PCDHGB4: variants seen among roughly 807,000 people sequenced by gnomAD.
PCDHGB4 encodes the protein protocadherin gamma subfamily B, 4, also known as protocadherin gamma-B4.
In PCDHGB4, 38 loss-of-function variants were observed where a neutral mutation model predicts 60.5. That is an observed-to-expected ratio of 0.63 (90% CI 0.48 to 0.82). The LOEUF is 0.82. Ranked by LOEUF, PCDHGB4 falls within the 40% of genes least tolerant of loss-of-function variation. The pLI is 0.00. For missense variants in PCDHGB4, 1,109 were observed against 1,209.6 expected (o/e 0.92, Z 1.23); for synonymous variants, 456 against 509.7 (o/e 0.89, Z 1.42).
chr5:141,430,910 G>A lies in PCDHGB4; in HGVS notation c.2397+40629G>A. The A allele has an allele frequency of 6.2e-7, 1 of 1,608,040 alleles. No homozygotes were observed. The highest frequency in any genetic ancestry group is 8.5e-7 in the Non-Finnish European group (1 of 1,177,584). On this transcript the variant is annotated intron_variant, in intron 1 of 3. Coordinates refer to ENST00000519479, the MANE Select transcript of PCDHGB4 (RefSeq NM_003736.4). ...CTCTAGGGTGGGCGACATCTCCAGG[G>A]ACCTGGGGCTGGAGCCCCGGGAGCT...
At chr5:141,427,499 T>C in intron 1 of PCDHGB4, 2 of 571,516 alleles carry the variant, frequency 3.5e-6, no homozygotes, top group Non-Finnish European at 3.3e-6. Flanking sequence ...TTGTAACAGA[T>C]GGGACCCTGG....
chr5:141,491,368 A>G lies in PCDHGB4; in HGVS notation c.2398-3439A>G. ...CAGTCTCTTATCCCTAGTCACCTTC[A>G]CCTTTCTGTCAGCGAAGTGCCTTCA... On this transcript the variant is annotated intron_variant, in intron 1 of 3. Transcript: ENST00000519479. This position sits in a 1 kb window ranked among gnomAD's most constrained non-coding sequence, Gnocchi z 6.9. 6.2e-7 allele frequency: 1 copy of G among 1,613,842 alleles called. No homozygotes were observed. The highest frequency in any genetic ancestry group is 8.5e-7 in the Non-Finnish European group (1 of 1,179,940).
intron 1 of PCDHGB4, chr5:141,402,959 G>C: frequency 1.2e-5 from 19 of 1,604,470 alleles, no homozygotes; most frequent in Non-Finnish European, 1.5e-5. Context: ...AGCAATGGCA[G>C]CTCCAACCAA....
In PCDHGB4 at chr5:141,423,466, G is replaced by T. The variant is rs770939556; in HGVS notation, c.2397+33185G>T. On this transcript the variant is annotated intron_variant, in intron 1 of 3. Coordinates refer to ENST00000519479, the MANE Select transcript of PCDHGB4 (RefSeq NM_003736.4). Reference sequence around the variant, plus strand: ...GTCACATTTTGTAGGCGTGGACGGGGTACAGGCTTTCCTGCAAACCTATTC... The same window carrying T: ...GTCACATTTTGTAGGCGTGGACGGGTTACAGGCTTTCCTGCAAACCTATTC... 6 of 1,614,022 alleles carry T rather than the reference G, an allele frequency of 3.7e-6. No homozygotes were observed. In the Admixed American group the frequency reaches 5.0e-5, roughly 13 times the overall value.
intron 1 of PCDHGB4, chr5:141,414,478 C>T (rs977591382): frequency 5.6e-6 from 9 of 1,613,884 alleles, no homozygotes; most frequent in Non-Finnish European, 3.4e-6. Flanking sequence ...GGGAAGTCCT[C>T]CTCTATCAAC....
Position 141,417,943 on chromosome 5 carries a change from G to C in PCDHGB4, c.2397+27662G>C, listed in dbSNP as rs772925118. ...TGCTGCTGCCTTTGTTCTACCCCAC[G>C]CTGTGTGAGCCGATCCGCTACTCGA... is the stretch of plus-strand genomic sequence containing the variant. On this transcript the variant is annotated intron_variant, in intron 1 of 3. Coordinates refer to ENST00000519479, the MANE Select transcript of PCDHGB4 (RefSeq NM_003736.4). The C allele has an allele frequency of 4.1e-5, 66 of 1,613,160 alleles. 1 individual carries two copies. The highest frequency in any genetic ancestry group is 1.8e-4 in the East Asian group (8 of 44,850).
chr5:141,487,512 C>T lies in PCDHGB4; in HGVS notation c.2398-7295C>T, dbSNP rs372606253. The stretch of plus-strand genomic sequence containing the variant: ...TGTACACCCTTGGCTTCTGCACCCA[C>T]TCGGAGTGATAGCTTCATGATGGTG... On this transcript the variant is annotated intron_variant, in intron 1 of 3. Transcript: ENST00000519479. This position sits in a 1 kb window ranked among gnomAD's most constrained non-coding sequence, Gnocchi z 5.0. 3.7e-6 allele frequency: 6 copies of T among 1,614,082 alleles called. No homozygotes were observed. The highest frequency in any genetic ancestry group is 5.1e-6 in the Non-Finnish European group (6 of 1,180,044).
rs1008664105 is a variant in PCDHGB4, at chr5:141,432,402, T to C, written c.2397+42121T>C. 6.2e-7 allele frequency: 1 copy of C among 1,614,194 alleles called. No homozygotes were observed. The highest frequency in any genetic ancestry group is 1.1e-5 in the South Asian group (1 of 91,082). On this transcript the variant is annotated intron_variant, in intron 1 of 3. Transcript: ENST00000519479. The surrounding 1 kb of genome is among the most constrained non-coding windows in gnomAD (Gnocchi z 6.0). ...CCGCCCCTCAGCAGCAACGTGTCGT[T>C]GAGCCTGTTCGTGCTGGACCAGAAC...
rs757568006 is a variant in PCDHGB4 at position 141,389,895 on chromosome 5, C to A, written c.2011C>A (p.Pro671Thr). 1.2e-5 allele frequency: 20 copies of A among 1,614,088 alleles called. No homozygotes were observed. In the Middle Eastern group the frequency reaches 2.0e-3, roughly 160 times the overall value. Residue 671 changes from proline (P) to threonine (T), a missense_variant, in exon 1 of 4, where the codon CCG becomes ACG. By Grantham distance (38) the Pro-to-Thr change is conservative (BLOSUM62 -1). Coordinates refer to ENST00000519479, the MANE Select transcript of PCDHGB4 (RefSeq NM_003736.4). Reference sequence around the variant, plus strand: ...CGCCGACAGCTTGCAGGAGGTGCTGCCGGATATCACTGACCGCCCCGACCC... The same window carrying A: ...CGCCGACAGCTTGCAGGAGGTGCTGACGGATATCACTGACCGCCCCGACCC... Reference protein sequence around the residue: ...VFADSLQEVLPDITDRPDPSD... With the variant: ...VFADSLQEVLTDITDRPDPSD...
intron 1 of PCDHGB4, chr5:141,430,555 TC>T (rs1232264614): frequency 9.7e-6 from 4 of 411,788 alleles, no homozygotes; most frequent in Non-Finnish European, 1.3e-5. Flanking sequence ...TGTTCACCAA[TC>T]GGGGAGAGAA....
Position 141,486,230 on chromosome 5 carries a change from A to C in PCDHGB4, c.2398-8577A>C. On this transcript the variant is annotated intron_variant, in intron 1 of 3. Coordinates refer to ENST00000519479, the MANE Select transcript of PCDHGB4 (RefSeq NM_003736.4). The surrounding 1 kb of genome is among the most constrained non-coding windows in gnomAD (Gnocchi z 5.0). ...TGACAATGCCCCTTACATCACAGTGACCTCAGAGCTTGGAACCCTCCCCGA... is the reference window on the plus strand; with the variant it reads ...TGACAATGCCCCTTACATCACAGTGCCCTCAGAGCTTGGAACCCTCCCCGA... The C allele has an allele frequency of 6.2e-7, 1 of 1,614,016 alleles. No individual in the cohort carries two copies. Among genetic ancestry groups the C allele is most frequent in the Non-Finnish European group, 8.5e-7 (1 of 1,179,964 alleles).
chr5:141,391,728 T>C (rs2092412871), intron 1 of PCDHGB4: 1 of 152,222 alleles, frequency 6.6e-6, no homozygotes, highest in East Asian at 1.9e-4. Flanking sequence ...ACAGACTTTT[T>C]TGTAGTCATA....
intron 1 of PCDHGB4, chr5:141,420,219 T>C: frequency 6.2e-7 from 1 of 1,607,100 alleles, no homozygotes. Flanking sequence ...GATAGCATGC[T>C]ACTGGCTAGC....
intron 2 of PCDHGB4, among the ~76,000 whole-genome samples, chr5:141,500,674 G>T (rs554174451): frequency 4.2e-4 from 64 of 152,122 alleles, no homozygotes; most frequent in Non-Finnish European, 6.6e-4. Flanking sequence ...CTGTCCAACA[G>T]AATTATAGCT....
At chr5:141,482,366 AT>A (rs1425349819) in intron 1 of PCDHGB4, among the ~76,000 whole-genome samples, 1 of 152,150 alleles carries the variant, frequency 6.6e-6, no homozygotes, top group Non-Finnish European at 1.5e-5. Flanking sequence ...GTGAAAAGTA[AT>A]GCATATAAAG....
At chr5:141,447,576 A>G (rs758449068) in intron 1 of PCDHGB4, among the ~76,000 whole-genome samples, 6 of 152,214 alleles carry the variant, frequency 3.9e-5, no homozygotes, top group African/African-American at 7.2e-5. Context: ...CTATGTCCAC[A>G]CATACCTTAA....
intron 1 of PCDHGB4, chr5:141,428,334 C>T: frequency 1.6e-6 from 1 of 618,848 alleles, no homozygotes; most frequent in Non-Finnish European, 2.9e-6. Flanking sequence ...TTTCTATGCT[C>T]TTCTTCCTCG....
Position 141,409,997 on chromosome 5 carries a change from G to A in PCDHGB4, c.2397+19716G>A. 1.9e-6 allele frequency: 3 copies of A among 1,613,224 alleles called. No homozygotes were observed. The African/African-American group carries it at 4.0e-5, about 22-fold the overall frequency. ...GGTGGTAGCGGTGGACGCCGACTCG[G>A]GACACAACGCCTGGCTGTCCTACCA... On this transcript the variant is annotated intron_variant, in intron 1 of 3. Coordinates refer to ENST00000519479, the MANE Select transcript of PCDHGB4 (RefSeq NM_003736.4).
Position 141,400,219 on chromosome 5 carries a change from C to T in PCDHGB4, c.2397+9938C>T, listed in dbSNP as rs1200450595. On this transcript the variant is annotated intron_variant, in intron 1 of 3. Coordinates refer to ENST00000519479, the MANE Select transcript of PCDHGB4 (RefSeq NM_003736.4). ...GGTGGCCTTGGCCTTGATCTCAGTG[C>T]TCTTCCTCCTGGCCGTGATTCTGGC... The T allele has an allele frequency of 1.9e-6, 3 of 1,613,934 alleles. No homozygotes were observed. Among genetic ancestry groups the T allele is most frequent in the African/African-American group, 1.3e-5 (1 of 74,930 alleles).
Sources: gnomAD v4.1 joint callset for allele counts (sites outside exome capture counted in the v4.1 genomes callset) on GRCh38, gnomAD v4.1.1 for gene constraint, Gnocchi (gnomAD v3.1) non-coding constraint, MANE v1.5 for transcripts, NCBI Gene and HGNC (gene_info 2026-07-23, HGNC 2026-07-21) for gene names.